Variants in PPP1R9A observed in about 807,000 individuals in gnomAD.
The protein encoded by PPP1R9A is neurabin-1.
Under a neutral mutation model 141.9 loss-of-function variants are expected in PPP1R9A, and 59 were observed. The ratio of observed to expected loss-of-function variants is 0.42; its 90% CI spans 0.34 to 0.52. The LOEUF (loss-of-function observed/expected upper bound fraction) is 0.52. Among genes scored for constraint, PPP1R9A ranks in the 20% least tolerant of loss-of-function variants. PPP1R9A has a pLI of 0.10. For missense variants in PPP1R9A, 1,444 were observed against 1,611.9 expected, an observed-to-expected ratio of 0.90 and a Z score of 1.78; for synonymous variants, 500 against 569.7, an observed-to-expected ratio of 0.88 and a Z score of 1.74.
intron 2 of PPP1R9A, among the ~76,000 whole-genome samples, chr7:94,934,020 G>GT (rs1794472282): frequency 6.6e-6 from 1 of 152,046 alleles, no homozygotes; most frequent in South Asian, 2.1e-4. Flanking sequence ...AACATTTTTA[G>GT]TTTTTTTGTT....
chr7:95,035,762 T>TA (rs558205601), intron 2 of PPP1R9A: 52 of 152,304 alleles, frequency 3.4e-4, no homozygotes, highest in African/African-American at 1.0e-3. Flanking sequence ...AATGGTTTTA[T>TA]AAAAAAACCT....
At chr7:95,028,852 T>C (rs1356317095) in intron 2 of PPP1R9A, among the ~76,000 whole-genome samples, 1 of 152,204 alleles carries the variant, frequency 6.6e-6, no homozygotes, top group Admixed American at 6.5e-5. Context: ...GAGTGGAGCC[T>C]AAAGCAGGAA....
intron 2 of PPP1R9A, among the ~76,000 whole-genome samples, chr7:94,968,667 A>G (rs945512448): frequency 6.6e-6 from 1 of 152,054 alleles, no homozygotes; most frequent in African/African-American, 2.4e-5. Flanking sequence ...TGTGTCTTTT[A>G]ATTGTGGCAT....
chr7:95,273,835 A>G lies in PPP1R9A; in HGVS notation c.3125-64A>G, dbSNP rs144174444. ...AGCCCTTAGATTCAGAGATGCATTG[A>G]CTTTTGAATTGTGACTTTAAAAATA... On this transcript the variant is annotated intron_variant, in intron 14 of 19. Transcript: ENST00000433360. 1.3e-5 allele frequency: 18 copies of G among 1,374,194 alleles called. No homozygotes were observed. The African/African-American group carries it at 1.9e-4, about 14-fold the overall frequency. The allele number at this position is 1,374,194 out of a possible 1,614,324, so 85.1% of individuals were successfully genotyped here. A position where few individuals can be genotyped will look rare whatever the true frequency, so the allele number is the denominator to read the frequency against.
intron 2 of PPP1R9A, among the ~76,000 whole-genome samples, chr7:94,986,519 A>G (rs1022938984): frequency 6.6e-6 from 1 of 152,176 alleles, no homozygotes; most frequent in African/African-American, 2.4e-5. Context: ...AATTATAGCT[A>G]GAAGAGAGGA....
chr7:95,053,821 G>T (rs1811126871), intron 2 of PPP1R9A, among the ~76,000 whole-genome samples: 1 of 152,180 alleles, frequency 6.6e-6, no homozygotes, highest in Non-Finnish European at 1.5e-5. Flanking sequence ...GTAGGCAGTA[G>T]CTTGGAGAAA....
Position 94,974,821 on chromosome 7 carries a change from CAAGTTATAGAGAAGAGA to C in PPP1R9A, c.1395+63333_1395+63349del, listed in dbSNP as rs554664664. Among the ~76,000 whole-genome samples, 472 of 152,032 alleles carry C rather than the reference CAAGTTATAGAGAAGAGA, an allele frequency of 3.1e-3. 3 individuals carry two copies. The highest frequency in any genetic ancestry group is 5.8e-3 in the Non-Finnish European group (392 of 67,990). On this transcript the variant is annotated intron_variant, in intron 2 of 19. Coordinates refer to ENST00000433360, the MANE Select transcript of PPP1R9A (RefSeq NM_001166160.2). ...AAAATAACTCATAAATAAGTCAAGA[CAAGTTATAGAGAAGAGA>C]AAGTTATAGAGAAGAGAAAACAGAA...
intron 2 of PPP1R9A, among the ~76,000 whole-genome samples, chr7:95,063,610 T>C (rs1812551372): frequency 6.6e-6 from 1 of 152,166 alleles, no homozygotes; most frequent in African/African-American, 2.4e-5. Context: ...CTTTATCTTC[T>C]CATTTGCTGC....
At position 95,268,581 on chromosome 7, in the gene PPP1R9A, C is replaced by A; in HGVS notation, c.2697C>A (p.Arg899=). The A allele has an allele frequency of 3.7e-6, 6 of 1,613,326 alleles. No individual in the cohort carries two copies. The highest frequency in any genetic ancestry group is 5.1e-6 in the Non-Finnish European group (6 of 1,179,492). ...DLNEAVPETE[R]LDSKALKTRA... is the part of the protein sequence containing the mutation. ...ATGAAGCAGTCCCAGAGACAGAGCG[C>A]CTGGATTCAAAAGCACTGAAAACTC... Residue 899 remains arginine, a synonymous_variant, in exon 13 of 20, where the codon CGC becomes CGA. Transcript: ENST00000433360.
At chr7:95,023,873 G>T (rs1806394374) in intron 2 of PPP1R9A, among the ~76,000 whole-genome samples, 1 of 152,108 alleles carries the variant, frequency 6.6e-6, no homozygotes, top group South Asian at 2.1e-4. Context: ...TTTTAATTGT[G>T]ATGTTAGGGT....
intron 2 of PPP1R9A, among the ~76,000 whole-genome samples, chr7:94,956,822 T>G (rs1264139045): frequency 6.6e-6 from 1 of 152,180 alleles, no homozygotes; most frequent in Non-Finnish European, 1.5e-5. Context: ...ATAGTCAGTC[T>G]TCCATTAATG....
At chr7:94,961,195 A>G (rs1797605364) in intron 2 of PPP1R9A, among the ~76,000 whole-genome samples, 1 of 151,712 alleles carries the variant, frequency 6.6e-6, no homozygotes, top group Non-Finnish European at 1.5e-5. Context: ...TTAATAAAAA[A>G]AACAAAACTT....
At chr7:95,249,516 T>C (rs1344205189) in intron 9 of PPP1R9A, among the ~76,000 whole-genome samples, 1 of 152,156 alleles carries the variant, frequency 6.6e-6, no homozygotes, top group Non-Finnish European at 1.5e-5. Context: ...CAAGGTTTAA[T>C]GGCCAATAAT....
intron 2 of PPP1R9A, among the ~76,000 whole-genome samples, chr7:95,004,600 G>C (rs1338961430): frequency 1.3e-5 from 2 of 152,096 alleles, no homozygotes; most frequent in African/African-American, 4.8e-5. Flanking sequence ...TGGATACTAC[G>C]TGCCTAAATG....
intron 2 of PPP1R9A, among the ~76,000 whole-genome samples, chr7:95,017,880 A>G (rs1161792925): frequency 6.6e-6 from 1 of 152,194 alleles, no homozygotes; most frequent in African/African-American, 2.4e-5. Context: ...AGCAAGATGC[A>G]TTGGCATGTT....
rs575415290 is a variant in PPP1R9A, at chr7:95,062,459, C to T, written c.1396-48800C>T. Among the ~76,000 whole-genome samples the T allele has an allele frequency of 7.3e-5, 11 of 150,740 alleles. No individual in the cohort carries two copies. The East Asian group carries it at 1.8e-3, about 24-fold the overall frequency. Reference sequence around the variant, plus strand: ...TTTTAGATGGAGTCTCACTCTGTCACCCAGGCTGGAGTACAGTGGTGCAGT... The same window carrying T: ...TTTTAGATGGAGTCTCACTCTGTCATCCAGGCTGGAGTACAGTGGTGCAGT... On this transcript the variant is annotated intron_variant, in intron 2 of 19. Transcript: ENST00000433360.
chr7:94,972,732 G>A (rs1798992440), intron 2 of PPP1R9A, among the ~76,000 whole-genome samples: 2 of 152,148 alleles, frequency 1.3e-5, no homozygotes, highest in South Asian at 2.1e-4. Context: ...CAGCCTAGAG[G>A]AAGATTAATC....
At chr7:95,172,095 A>G (rs1193939270) in intron 5 of PPP1R9A, among the ~76,000 whole-genome samples, 2 of 151,638 alleles carry the variant, frequency 1.3e-5, no homozygotes, top group Non-Finnish European at 3.0e-5. Flanking sequence ...ATAGAAGGGA[A>G]TTTCCTCAAT....
At chr7:94,919,156 G>A (rs1267606958) in intron 2 of PPP1R9A, among the ~76,000 whole-genome samples, 5 of 152,086 alleles carry the variant, frequency 3.3e-5, no homozygotes, top group Admixed American at 1.3e-4. Flanking sequence ...TAGAGACAGG[G>A]TCTTGCCCTG....
Sources: allele counts gnomAD v4.1 joint callset (sites outside exome capture counted in the v4.1 genomes callset), GRCh38; gene constraint gnomAD v4.1.1; transcripts MANE v1.5; gene names NCBI Gene and HGNC (gene_info 2026-07-23, HGNC 2026-07-21).